The following PPP1R14C variants were observed in gnomAD, a reference collection of about 807,000 sequenced individuals.
PPP1R14C encodes protein phosphatase 1 regulatory subunit 14C.
Under a neutral mutation model 20.4 loss-of-function variants are expected in PPP1R14C, and 16 were observed. The ratio of observed to expected loss-of-function variants is 0.78; its 90% CI spans 0.53 to 1.19. The LOEUF (loss-of-function observed/expected upper bound fraction) is 1.19, where lower values mean the gene tolerates loss of function less well. Ranked by LOEUF, PPP1R14C falls within the 50% of genes most tolerant of loss-of-function variation. PPP1R14C has a pLI of 0.00. For synonymous variants in PPP1R14C, 91 were observed against 91.0 expected, an observed-to-expected ratio of 1.00 and a Z score of 0.00; for missense variants, 211 against 220.1, an observed-to-expected ratio of 0.96 and a Z score of 0.26.
At chr6:150,200,017 A>G (rs552913503) in intron 1 of PPP1R14C, among the ~76,000 whole-genome samples, 1 of 152,244 alleles carries the variant, frequency 6.6e-6, no homozygotes, top group East Asian at 1.9e-4. Flanking sequence ...TGTCATTTCC[A>G]CTTTCTTACA....
intron 3 of PPP1R14C, among the ~76,000 whole-genome samples, chr6:150,229,771 C>T (rs1159588902): frequency 6.6e-6 from 1 of 152,178 alleles, no homozygotes; most frequent in African/African-American, 2.4e-5. Flanking sequence ...CAAACCCTTA[C>T]CCATAACAGA....
chr6:150,161,893 C>T (rs1054583170), intron 1 of PPP1R14C, among the ~76,000 whole-genome samples: 3 of 152,168 alleles, frequency 2.0e-5, no homozygotes, highest in African/African-American at 7.2e-5. Context: ...AATTTGCTTA[C>T]ATTGTACATT....
intron 1 of PPP1R14C, among the ~76,000 whole-genome samples, chr6:150,166,956 C>T (rs1455855324): frequency 1.3e-5 from 2 of 152,160 alleles, no homozygotes; most frequent in Admixed American, 6.5e-5. Flanking sequence ...AGAGGCCAGG[C>T]GCGGTGGCTC....
chr6:150,196,997 G>C (rs963592446), intron 1 of PPP1R14C, among the ~76,000 whole-genome samples: 1 of 152,194 alleles, frequency 6.6e-6, no homozygotes, highest in Non-Finnish European at 1.5e-5. Flanking sequence ...TCTCAGGAAG[G>C]CTGGAATGTA....
chr6:150,168,429 A>T (rs1777458683), intron 1 of PPP1R14C, among the ~76,000 whole-genome samples: 1 of 151,982 alleles, frequency 6.6e-6, no homozygotes, highest in South Asian at 2.1e-4. Context: ...GCTACTTGGG[A>T]GGCTGAGGCA....
At chr6:150,157,926 G>A (rs182259279) in intron 1 of PPP1R14C, among the ~76,000 whole-genome samples, 38 of 152,228 alleles carry the variant, frequency 2.5e-4, no homozygotes, top group Non-Finnish European at 2.4e-4. Flanking sequence ...AGGTTCCAAC[G>A]TGCGTTTCGA....
intron 1 of PPP1R14C, among the ~76,000 whole-genome samples, chr6:150,154,768 C>T (rs578230987): frequency 2.6e-5 from 4 of 152,064 alleles, no homozygotes; most frequent in Non-Finnish European, 5.9e-5. Flanking sequence ...GGGACTAGAA[C>T]GTAAGGATTA....
At chr6:150,238,004 G>A (rs974469258) in intron 3 of PPP1R14C, among the ~76,000 whole-genome samples, 12 of 152,054 alleles carry the variant, frequency 7.9e-5, no homozygotes, top group Admixed American at 3.3e-4. Context: ...CAGGACACAC[G>A]GCCCCAGCCT....
chr6:150,179,631 G>T (rs1337733912), intron 1 of PPP1R14C, among the ~76,000 whole-genome samples: 1 of 151,488 alleles, frequency 6.6e-6, no homozygotes, highest in Admixed American at 6.6e-5. Context: ...CTCTGCCATT[G>T]GTTCATGGGC....
At chr6:150,214,896 C>A in intron 2 of PPP1R14C, 69 bp downstream of exon 2, 3 of 1,131,946 alleles carry the variant, frequency 2.7e-6, no homozygotes, top group Non-Finnish European at 3.9e-6. Context: ...GTCTTCAGTG[C>A]TTGGCATCAA....
intron 1 of PPP1R14C, among the ~76,000 whole-genome samples, chr6:150,149,032 T>A (rs185099476): frequency 6.6e-6 from 1 of 151,724 alleles, no homozygotes; most frequent in African/African-American, 2.4e-5. Flanking sequence ...ACCACTGTAC[T>A]CCAGCCTGGG....
At chr6:150,213,516 G>A (rs765495946) in intron 1 of PPP1R14C, among the ~76,000 whole-genome samples, 5 of 152,164 alleles carry the variant, frequency 3.3e-5, no homozygotes, top group African/African-American at 4.8e-5. Flanking sequence ...GGGAATGCCC[G>A]GGTGTCCCCA....
chr6:150,196,891 T>C (rs1407941721), intron 1 of PPP1R14C, among the ~76,000 whole-genome samples: 1 of 152,206 alleles, frequency 6.6e-6, no homozygotes, highest in Non-Finnish European at 1.5e-5. Flanking sequence ...ACACTACTTG[T>C]CTGGAGTCTA....
intron 1 of PPP1R14C, among the ~76,000 whole-genome samples, chr6:150,154,220 G>A (rs1316235498): frequency 6.6e-6 from 1 of 152,218 alleles, no homozygotes; most frequent in African/African-American, 2.4e-5. Flanking sequence ...TAGGAAGTCA[G>A]ATCTTAAGTA....
At chr6:150,247,237 C>G (rs546154302) in intron 3 of PPP1R14C, among the ~76,000 whole-genome samples, 2 of 152,158 alleles carry the variant, frequency 1.3e-5, no homozygotes, top group African/African-American at 2.4e-5. Context: ...CAAAGTTCCT[C>G]GGTGTTTTTG....
At chr6:150,248,251 A>G (rs13215621) in intron 3 of PPP1R14C, among the ~76,000 whole-genome samples, 5,259 of 152,204 alleles carry the variant, frequency 0.035, 132 homozygotes, top group Middle Eastern at 0.058. Context: ...CATTCAAACC[A>G]TAGCAGTCCC....
chr6:150,152,051 C>T (rs998408127), intron 1 of PPP1R14C, among the ~76,000 whole-genome samples: 4 of 140,420 alleles, frequency 2.8e-5, no homozygotes, highest in Admixed American at 7.6e-5. Context: ...ACCCGGGAGG[C>T]GGAGCTTGCA....
At chr6:150,156,151 G>C (rs1194115536) in intron 1 of PPP1R14C, among the ~76,000 whole-genome samples, 1 of 151,740 alleles carries the variant, frequency 6.6e-6, no homozygotes, top group Non-Finnish European at 1.5e-5. Flanking sequence ...TGCATGAGCC[G>C]TTGGTCATGG....
intron 2 of PPP1R14C, among the ~76,000 whole-genome samples, chr6:150,216,559 C>CA (rs34550270): frequency 0.045 from 6,483 of 142,878 alleles, 158 homozygotes; most frequent in Middle Eastern, 0.069. Flanking sequence ...GCTATGGTAG[C>CA]AAAAAAAAAA....
Sources: gnomAD v4.1 joint callset for allele counts (sites outside exome capture counted in the v4.1 genomes callset) on GRCh38, gnomAD v4.1.1 for gene constraint, MANE v1.5 for transcripts, NCBI Gene and HGNC (gene_info 2026-07-23, HGNC 2026-07-21) for gene names.